IL20RB: variants seen among roughly 807,000 people sequenced by gnomAD.
IL20RB encodes the protein interleukin 20 receptor subunit beta, also known as interleukin-20 receptor subunit beta.
In IL20RB, 21 loss-of-function variants were observed where a neutral mutation model predicts 33.3. The observed-to-expected ratio is 0.63, with a 90% CI of 0.45 to 0.91. The LOEUF (loss-of-function observed/expected upper bound fraction) is 0.91. Among genes scored for constraint, IL20RB ranks in the 40% least tolerant of loss-of-function variants. The pLI, the probability that IL20RB is intolerant of heterozygous loss-of-function variation, is 0.00. For synonymous variants in IL20RB, 147 were observed against 146.8 expected (o/e 1.00, Z -0.01); for missense variants, 345 against 384.8 (o/e 0.90, Z 0.86).
chr3:136,972,260 T>A (rs1941504780), intron 1 of IL20RB, among the ~76,000 whole-genome samples: 1 of 152,236 alleles, frequency 6.6e-6, no homozygotes, highest in South Asian at 2.1e-4. Context: ...TTGCAAATAT[T>A]TTCTCCCATT....
chr3:136,980,343 TGG>T (rs778683853), intron 1 of IL20RB, 121 bp from the exon 2 acceptor site: 1 of 1,055,868 alleles, frequency 9.5e-7, no homozygotes, highest in Non-Finnish European at 1.5e-6. Flanking sequence ...TGGAGTGCAG[TGG>T]TGCAATCTCA....
intron 6 of IL20RB, among the ~76,000 whole-genome samples, chr3:137,009,669 A>G (rs1402929247): frequency 6.6e-6 from 1 of 152,056 alleles, no homozygotes; most frequent in Non-Finnish European, 1.5e-5. Flanking sequence ...CCTCACGAGT[A>G]GCTGGGACCA....
intron 1 of IL20RB, among the ~76,000 whole-genome samples, chr3:136,966,142 T>C (rs1336996270): frequency 7.0e-6 from 1 of 142,590 alleles, no homozygotes; most frequent in Non-Finnish European, 1.5e-5. Context: ...ATCAAGGATA[T>C]AGGTCTAAGA....
rs1941511494 is a variant in IL20RB, at chr3:136,972,484, CATT to C, written c.89-7979_89-7977del. 2.0e-5 allele frequency among the ~76,000 whole-genome samples: 3 copies of C among 152,224 alleles called. No individual in the cohort carries two copies. In the South Asian group the frequency reaches 6.2e-4, roughly 32 times the overall value. ...TTATTATTGATTCAATCTTGCTACT[CATT>C]ATCCATCGTTAAGGTTTTCTTTTTC... On this transcript the variant is annotated intron_variant, in intron 1 of 6. Coordinates refer to ENST00000329582, the MANE Select transcript of IL20RB (RefSeq NM_144717.4).
chr3:136,988,893 G>A (rs748421075), intron 3 of IL20RB, among the ~76,000 whole-genome samples: 6 of 152,224 alleles, frequency 3.9e-5, no homozygotes, highest in Non-Finnish European at 5.9e-5. Context: ...ATCTGTGTGA[G>A]CTGTGGGAAT....
rs184674196 is a variant in IL20RB, at chr3:136,958,216, G to T, written c.88+15G>T. 1.8e-5 allele frequency: 27 copies of T among 1,519,428 alleles called. No individual in the cohort carries two copies. The highest frequency in any genetic ancestry group is 5.0e-5 in the Admixed American group (3 of 59,824). 94.1% of individuals were successfully genotyped at this position (1,519,428 alleles called of 1,614,324 possible). On this transcript the variant is annotated intron_variant, in intron 1 of 6. Transcript: ENST00000329582. ...TTTGCTCACAGGTAAGTATGAATTAGAATACATCCAATAGTTTGGGCCTTG... is the reference window on the plus strand; with the variant it reads ...TTTGCTCACAGGTAAGTATGAATTATAATACATCCAATAGTTTGGGCCTTG...
chr3:136,998,503 G>A (rs936329918), intron 6 of IL20RB, among the ~76,000 whole-genome samples: 1 of 151,034 alleles, frequency 6.6e-6, no homozygotes, highest in African/African-American at 2.4e-5. Context: ...AAAACTTCTT[G>A]ACTTTTTTTA....
intron 1 of IL20RB, among the ~76,000 whole-genome samples, chr3:136,979,889 T>C (rs1437012114): frequency 6.6e-6 from 1 of 152,234 alleles, no homozygotes; most frequent in African/African-American, 2.4e-5. Context: ...GTGATGAGAA[T>C]GTTGCAGTAG....
intron 1 of IL20RB, among the ~76,000 whole-genome samples, chr3:136,974,531 T>C (rs533121584): frequency 1.3e-5 from 2 of 152,298 alleles, no homozygotes; most frequent in Non-Finnish European, 2.9e-5. Flanking sequence ...TCCATCAGAC[T>C]AGATGCTTTT....
At chr3:136,993,177 A>C (rs1344002723) in intron 5 of IL20RB, among the ~76,000 whole-genome samples, 1 of 152,154 alleles carries the variant, frequency 6.6e-6, no homozygotes, top group Admixed American at 6.5e-5. Flanking sequence ...AGCCTGGGCA[A>C]CATAGCGAGA....
intron 6 of IL20RB, among the ~76,000 whole-genome samples, chr3:136,998,580 T>A (rs1417042823): frequency 6.6e-6 from 1 of 151,876 alleles, no homozygotes; most frequent in African/African-American, 2.4e-5. Context: ...TCTGAAAATG[T>A]CTTTATTTTG....
chr3:137,004,520 C>G (rs897255369), intron 6 of IL20RB, among the ~76,000 whole-genome samples: 6 of 152,118 alleles, frequency 3.9e-5, no homozygotes, highest in African/African-American at 7.2e-5. Context: ...AGGAATTTAT[C>G]CATTTCTTCT....
intron 3 of IL20RB, among the ~76,000 whole-genome samples, chr3:136,986,030 T>C (rs1941888926): frequency 6.6e-6 from 1 of 152,072 alleles, no homozygotes; most frequent in Admixed American, 6.6e-5. Flanking sequence ...CCAAAGCCAG[T>C]GGATCACGAG....
At chr3:137,004,074 G>C (rs1001248519) in intron 6 of IL20RB, among the ~76,000 whole-genome samples, 8 of 152,176 alleles carry the variant, frequency 5.3e-5, no homozygotes, top group African/African-American at 1.9e-4. Flanking sequence ...TTATTGATTT[G>C]TGTATGTTGA....
chr3:136,969,942 T>C (rs984924377), intron 1 of IL20RB, among the ~76,000 whole-genome samples: 14 of 152,164 alleles, frequency 9.2e-5, no homozygotes, highest in Non-Finnish European at 1.6e-4. Context: ...GATTTTCTCC[T>C]GTTTTTTCCT....
chr3:136,959,629 G>A (rs1489875778), intron 1 of IL20RB: 1 of 152,184 alleles, frequency 6.6e-6, no homozygotes, highest in African/African-American at 2.4e-5. Context: ...CTTCAATGAC[G>A]CCCGTCTTAT....
chr3:136,973,527 T>G (rs1941542157), intron 1 of IL20RB, among the ~76,000 whole-genome samples: 1 of 152,170 alleles, frequency 6.6e-6, no homozygotes, highest in Admixed American at 6.5e-5. Context: ...GAAAAGAATA[T>G]ATATTCTGCA....
chr3:137,004,633 G>A lies in IL20RB; in HGVS notation c.826-5480G>A, dbSNP rs1478297260. Among the ~76,000 whole-genome samples the A allele has an allele frequency of 3.3e-5, 5 of 152,144 alleles. 1 individual carries two copies. Among genetic ancestry groups the A allele is most frequent in the African/African-American group, 1.2e-4 (5 of 41,530 alleles). On this transcript the variant is annotated intron_variant, in intron 6 of 6. Coordinates refer to ENST00000329582, the MANE Select transcript of IL20RB (RefSeq NM_144717.4). Reference sequence around the variant, plus strand: ...GATATCCCCTTTATCATTTTTTGTTGCGTCTATTTGATTCTTCTCTCTTTT... The same window carrying A: ...GATATCCCCTTTATCATTTTTTGTTACGTCTATTTGATTCTTCTCTCTTTT...
chr3:136,985,661 A>G (rs919727110), intron 3 of IL20RB, among the ~76,000 whole-genome samples: 1 of 152,084 alleles, frequency 6.6e-6, no homozygotes, highest in Non-Finnish European at 1.5e-5. Context: ...TTAAAGGGAA[A>G]CTTTTTATTG....
Sources: allele counts gnomAD v4.1 joint callset (sites outside exome capture counted in the v4.1 genomes callset), GRCh38; gene constraint gnomAD v4.1.1; transcripts MANE v1.5; gene names NCBI Gene and HGNC (gene_info 2026-07-23, HGNC 2026-07-21).